Variants in ADCY5 observed in about 807,000 individuals in gnomAD.
The protein encoded by ADCY5 is adenylate cyclase 5.
Under a neutral mutation model 119.7 loss-of-function variants are expected in ADCY5, and 30 were observed. The observed-to-expected ratio is 0.25, with a 90% CI of 0.19 to 0.34. The LOEUF (loss-of-function observed/expected upper bound fraction) is 0.34. Among genes scored for constraint, ADCY5 ranks in the 10% least tolerant of loss-of-function variants. The pLI is 1.00. For synonymous variants in ADCY5, 753 were observed against 762.2 expected (o/e 0.99, Z 0.20); for missense variants, 1,324 against 1,775.2 (o/e 0.75, Z 4.57).
At chr3:123,291,869 CA>C (rs1939176339) in intron 17 of ADCY5, among the ~76,000 whole-genome samples, 1 of 152,198 alleles carries the variant, frequency 6.6e-6, no homozygotes, top group African/African-American at 2.4e-5. Flanking sequence ...GAAAACAGCC[CA>C]AAGCCCTGCC....
At chr3:123,399,149 T>C (rs1944685315) in intron 1 of ADCY5, among the ~76,000 whole-genome samples, 1 of 152,236 alleles carries the variant, frequency 6.6e-6, no homozygotes, top group African/African-American at 2.4e-5. Flanking sequence ...CTCTCTGCAA[T>C]GCTGGAATGT....
At chr3:123,365,828 G>T (rs1183797234) in intron 1 of ADCY5, among the ~76,000 whole-genome samples, 1 of 152,092 alleles carries the variant, frequency 6.6e-6, no homozygotes, top group South Asian at 2.1e-4. Flanking sequence ...GACAGCGAGT[G>T]GGTCACAGCT....
At position 123,352,352 on chromosome 3, in the gene ADCY5, G is replaced by A. The variant is rs1186129802; in HGVS notation, c.1284+80C>T. 73 of 1,492,152 alleles carry A rather than the reference G, an allele frequency of 4.9e-5. No individual in the cohort carries two copies. In the South Asian group the frequency reaches 7.7e-4, roughly 16 times the overall value. The allele number at this position is 1,492,152 out of a possible 1,614,324, so 92.4% of individuals were successfully genotyped here. ...CTGGCAGCCGTAATAAGCACTGCCCGCCCTAGGCCAGGCACTCAGCTGAGG... is the reference window on the plus strand; with the variant it reads ...CTGGCAGCCGTAATAAGCACTGCCCACCCTAGGCCAGGCACTCAGCTGAGG... On this transcript the variant is annotated intron_variant, in intron 2 of 20. Transcript: ENST00000462833. This position sits in a 1 kb window ranked among gnomAD's most constrained non-coding sequence, Gnocchi z 4.8.
At chr3:123,319,461 C>T (rs1344112533) in intron 10 of ADCY5, among the ~76,000 whole-genome samples, 1 of 151,996 alleles carries the variant, frequency 6.6e-6, no homozygotes, top group Non-Finnish European at 1.5e-5. Context: ...GATAATGAAA[C>T]GAAGGCACAG....
rs538875735 is a variant in ADCY5, at chr3:123,299,399, C to A, written c.2900+721G>T. Among the ~76,000 whole-genome samples, 4 of 152,246 alleles carry A rather than the reference C, an allele frequency of 2.6e-5. No individual in the cohort carries two copies. The South Asian group carries it at 6.2e-4, about 24-fold the overall frequency. On this transcript the variant is annotated intron_variant, in intron 15 of 20. Transcript: ENST00000462833. ...TTGGGTTGACAATATTCCCATTTTA[C>A]AAAGAAAAAATTATGAGGTTCAGAG...
intron 14 of ADCY5, among the ~76,000 whole-genome samples, chr3:123,302,611 C>T (rs72964524): frequency 0.034 from 5,167 of 152,232 alleles, 301 homozygotes; most frequent in African/African-American, 0.12. Flanking sequence ...ATCAGGAGCA[C>T]GAACTCTGTC....
intron 1 of ADCY5, among the ~76,000 whole-genome samples, chr3:123,390,395 G>A (rs1213138663): frequency 1.3e-5 from 2 of 152,304 alleles, no homozygotes; most frequent in East Asian, 3.9e-4. Context: ...TGTGCCCTCT[G>A]GTGGAATGAG....
intron 1 of ADCY5, among the ~76,000 whole-genome samples, chr3:123,395,613 G>A (rs989116666): frequency 3.3e-5 from 5 of 152,142 alleles, no homozygotes; most frequent in East Asian, 1.9e-4. Flanking sequence ...GGTGGCTCAC[G>A]TGTTACATAA....
intron 1 of ADCY5, among the ~76,000 whole-genome samples, chr3:123,362,391 C>T (rs1477412361): frequency 6.6e-6 from 1 of 152,050 alleles, no homozygotes; most frequent in Non-Finnish European, 1.5e-5. Flanking sequence ...GTTTTAATGC[C>T]CTTAAATTTG....
At chr3:123,442,490 G>A (rs1232125233) in intron 1 of ADCY5, among the ~76,000 whole-genome samples, 2 of 152,224 alleles carry the variant, frequency 1.3e-5, no homozygotes, top group Non-Finnish European at 2.9e-5. Context: ...GAGAGTTCCT[G>A]TCCAAGCATT....
chr3:123,408,739 G>T (rs887664288), intron 1 of ADCY5, among the ~76,000 whole-genome samples: 1 of 151,836 alleles, frequency 6.6e-6, no homozygotes, highest in Admixed American at 6.6e-5. Flanking sequence ...CACTTTGGGA[G>T]GCCGAGTGGG....
chr3:123,318,171 C>T lies in ADCY5; in HGVS notation c.2257-54G>A, dbSNP rs904396180. Reference sequence around the variant, plus strand: ...GCCAAGGTACCTGGCCCGGTCTGCTCCAGCCCTGTCAATCCCACACACCCA... The same window carrying T: ...GCCAAGGTACCTGGCCCGGTCTGCTTCAGCCCTGTCAATCCCACACACCCA... On this transcript the variant is annotated intron_variant, in intron 10 of 20. Coordinates refer to ENST00000462833, the MANE Select transcript of ADCY5 (RefSeq NM_183357.3). 3.5e-6 allele frequency: 5 copies of T among 1,432,144 alleles called. No individual in the cohort carries two copies. The African/African-American group carries it at 5.6e-5, about 16-fold the overall frequency. 88.7% of individuals were successfully genotyped at this position (1,432,144 alleles called of 1,614,324 possible).
At chr3:123,419,082 A>T (rs1945246028) in intron 1 of ADCY5, 1 of 929,762 alleles carries the variant, frequency 1.1e-6, no homozygotes, top group Non-Finnish European at 1.3e-6. Flanking sequence ...CCCCACAGTA[A>T]ATCTTTCTAT....
At chr3:123,365,523 G>A (rs1361260057) in intron 1 of ADCY5, among the ~76,000 whole-genome samples, 1 of 152,236 alleles carries the variant, frequency 6.6e-6, no homozygotes, top group Non-Finnish European at 1.5e-5. Context: ...GCATCTGCAA[G>A]GAGTATTTGA....
At chr3:123,419,206 A>C (rs1309846006) in intron 1 of ADCY5, 22 of 985,280 alleles carry the variant, frequency 2.2e-5, no homozygotes, top group Non-Finnish European at 2.5e-5. Context: ...CCCTCCATGC[A>C]TCTGACGAGC....
intron 18 of ADCY5, among the ~76,000 whole-genome samples, chr3:123,290,650 C>T (rs1450687105): frequency 1.3e-5 from 2 of 152,226 alleles, no homozygotes; most frequent in Non-Finnish European, 2.9e-5. Context: ...ACATCTTTCT[C>T]CTGCCTCCTC....
At chr3:123,347,718 G>A (rs192684702) in intron 3 of ADCY5, 64 bp downstream of exon 3, 1 of 1,296,342 alleles carries the variant, frequency 7.7e-7, no homozygotes, top group East Asian at 2.5e-5. Context: ...AAAGGAAGTG[G>A]GATGTCTCCA....
At chr3:123,388,200 G>A (rs934736509) in intron 1 of ADCY5, among the ~76,000 whole-genome samples, 4 of 152,192 alleles carry the variant, frequency 2.6e-5, no homozygotes, top group Non-Finnish European at 4.4e-5. Context: ...AAAAGGCTGC[G>A]CAATGGTCCA....
At chr3:123,299,179 T>G (rs59508443) in intron 15 of ADCY5, among the ~76,000 whole-genome samples, 5,778 of 152,282 alleles carry the variant, frequency 0.038, 380 homozygotes, top group African/African-American at 0.13. Context: ...TGTAGCCAAT[T>G]ATTGTAACCC....
Sources: gnomAD v4.1 joint callset for allele counts (sites outside exome capture counted in the v4.1 genomes callset) on GRCh38, gnomAD v4.1.1 for gene constraint, Gnocchi (gnomAD v3.1) non-coding constraint, MANE v1.5 for transcripts, NCBI Gene and HGNC (gene_info 2026-07-23, HGNC 2026-07-21) for gene names.